BLVRA: variants seen among roughly 807,000 people sequenced by gnomAD.
BLVRA encodes biliverdin reductase A, also known as BVR A.
A neutral mutation model predicts 32.8 loss-of-function variants in BLVRA; 22 were observed. That is an observed-to-expected ratio of 0.67 (90% CI 0.48 to 0.96). The LOEUF is 0.96. Ranked by LOEUF, BLVRA falls within the 40% of genes least tolerant of loss-of-function variation. BLVRA has a pLI of 0.00. For missense variants in BLVRA, 323 were observed against 358.1 expected (o/e 0.90, Z 0.79); for synonymous variants, 119 against 141.3 (o/e 0.84, Z 1.12).
At chr7:43,782,670 G>GA (rs1378357172) in intron 2 of BLVRA, among the ~76,000 whole-genome samples, 2 of 152,012 alleles carry the variant, frequency 1.3e-5, no homozygotes, top group African/African-American at 4.8e-5. Context: ...GGGAGAGAGA[G>GA]AAAAATAGAG....
chr7:43,770,546 C>T (rs1209136819), intron 1 of BLVRA, among the ~76,000 whole-genome samples: 2 of 152,024 alleles, frequency 1.3e-5, no homozygotes, highest in Non-Finnish European at 2.9e-5. Flanking sequence ...CCTGTTAAGC[C>T]GTGTTGTTGC....
intron 1 of BLVRA, among the ~76,000 whole-genome samples, chr7:43,763,107 G>A (rs1422394189): frequency 2.6e-5 from 4 of 152,184 alleles, no homozygotes; most frequent in African/African-American, 9.7e-5. Flanking sequence ...TTATAGAAGA[G>A]TGGGCAGGAT....
At chr7:43,796,215 C>A (rs1311677709) in intron 5 of BLVRA, among the ~76,000 whole-genome samples, 1 of 151,568 alleles carries the variant, frequency 6.6e-6, no homozygotes, top group African/African-American at 2.4e-5. Flanking sequence ...ACAACAAATG[C>A]TGCTGAAATA....
chr7:43,781,239 G>C (rs916390658), intron 2 of BLVRA, among the ~76,000 whole-genome samples: 1 of 152,052 alleles, frequency 6.6e-6, no homozygotes, highest in Non-Finnish European at 1.5e-5. Flanking sequence ...ATCACCCCAG[G>C]ATGTCAGGAT....
intron 3 of BLVRA, among the ~76,000 whole-genome samples, chr7:43,788,554 T>C (rs2095781209): frequency 6.6e-6 from 1 of 152,176 alleles, no homozygotes; most frequent in African/African-American, 2.4e-5. Flanking sequence ...CCAAAGCCCA[T>C]CTTTTAAACA....
intron 5 of BLVRA, among the ~76,000 whole-genome samples, chr7:43,797,481 C>T (rs2095794097): frequency 6.6e-6 from 1 of 152,202 alleles, no homozygotes; most frequent in Non-Finnish European, 1.5e-5. Flanking sequence ...ATAAACATAA[C>T]TTGTGTATGA....
intron 5 of BLVRA, among the ~76,000 whole-genome samples, chr7:43,799,938 C>A (rs560813961): frequency 6.6e-6 from 1 of 152,014 alleles, no homozygotes; most frequent in African/African-American, 2.4e-5. Flanking sequence ...CTCAGGTTTT[C>A]GTTTCATTCA....
chr7:43,787,802 T>C lies in BLVRA; in HGVS notation c.13-102T>C. ...GGCTTCCTGTGTGTTTTGGGCTGGC[T>C]TCCATCTTGCTCGTCGGGACCCTGC... is the stretch of plus-strand genomic sequence containing the variant. On this transcript the variant is annotated intron_variant, in intron 2 of 7. Coordinates refer to ENST00000265523, the MANE Select transcript of BLVRA (RefSeq NM_000712.4). The surrounding 1 kb of genome is among the most constrained non-coding windows in gnomAD (Gnocchi z 4.5). 2 of 1,584,692 alleles carry C rather than the reference T, an allele frequency of 1.3e-6. No individual in the cohort carries two copies. Among genetic ancestry groups the C allele is most frequent in the Non-Finnish European group, 1.7e-6 (2 of 1,154,258 alleles).
intron 5 of BLVRA, among the ~76,000 whole-genome samples, chr7:43,799,332 G>A (rs1394962978): frequency 2.6e-5 from 4 of 152,128 alleles, no homozygotes; most frequent in Non-Finnish European, 4.4e-5. Flanking sequence ...CAGTGAAACT[G>A]TAGATCATAA....
At chr7:43,767,012 CAAAT>C (rs1210467768) in intron 1 of BLVRA, among the ~76,000 whole-genome samples, 1 of 152,066 alleles carries the variant, frequency 6.6e-6, no homozygotes, top group Admixed American at 6.5e-5. Flanking sequence ...GAAAAATAAA[CAAAT>C]AAACAGCAAT....
intron 1 of BLVRA, among the ~76,000 whole-genome samples, chr7:43,768,569 G>C (rs530848410): frequency 1.3e-5 from 2 of 152,194 alleles, no homozygotes; most frequent in East Asian, 3.9e-4. Flanking sequence ...TGAGGATTAG[G>C]GTTAATGTGT....
At chr7:43,777,485 G>A (rs1167001988) in intron 2 of BLVRA, among the ~76,000 whole-genome samples, 16 of 152,220 alleles carry the variant, frequency 1.1e-4, no homozygotes, top group African/African-American at 3.9e-4. Context: ...CTCTCTTCTG[G>A]CTTGTAGAGT....
intron 6 of BLVRA, among the ~76,000 whole-genome samples, chr7:43,802,429 G>A (rs112059745): frequency 2.0e-5 from 3 of 152,182 alleles, no homozygotes; most frequent in African/African-American, 7.2e-5. Context: ...TTAAGATTTT[G>A]GCTGGAGGCA....
intron 5 of BLVRA, among the ~76,000 whole-genome samples, chr7:43,799,458 G>C (rs942782542): frequency 6.6e-6 from 1 of 152,058 alleles, no homozygotes; most frequent in Non-Finnish European, 1.5e-5. Context: ...ATTGTTAACA[G>C]CTTTCTTTTA....
intron 6 of BLVRA, among the ~76,000 whole-genome samples, chr7:43,801,277 T>G (rs1277527080): frequency 6.6e-6 from 1 of 152,224 alleles, no homozygotes; most frequent in Non-Finnish European, 1.5e-5. Context: ...ATTACAGGCA[T>G]GAGCCACCGT....
At chr7:43,774,847 T>A (rs1046945601) in intron 2 of BLVRA, among the ~76,000 whole-genome samples, 16 of 152,230 alleles carry the variant, frequency 1.1e-4, no homozygotes, top group African/African-American at 3.6e-4. Context: ...TTTGAAGAGG[T>A]CCTTCACGTC....
At chr7:43,771,812 G>A (rs2095754982) in intron 2 of BLVRA, among the ~76,000 whole-genome samples, 1 of 152,302 alleles carries the variant, frequency 6.6e-6, no homozygotes, top group South Asian at 2.1e-4. Context: ...CTGGTGCTCA[G>A]CACCACCCGC....
intron 2 of BLVRA, among the ~76,000 whole-genome samples, chr7:43,777,637 C>T (rs1436714255): frequency 1.3e-5 from 2 of 152,100 alleles, no homozygotes; most frequent in Admixed American, 6.6e-5. Context: ...TTGCTTTTCT[C>T]GAGGAGTATC....
At chr7:43,805,307 A>T (rs1208118537) in intron 7 of BLVRA, among the ~76,000 whole-genome samples, 6 of 150,398 alleles carry the variant, frequency 4.0e-5, no homozygotes, top group African/African-American at 1.5e-4. Flanking sequence ...TTATGAGACA[A>T]AGTCTTGCTC....
Sources: gnomAD v4.1 joint callset for allele counts (sites outside exome capture counted in the v4.1 genomes callset) on GRCh38, gnomAD v4.1.1 for gene constraint, Gnocchi (gnomAD v3.1) non-coding constraint, MANE v1.5 for transcripts, NCBI Gene and HGNC (gene_info 2026-07-23, HGNC 2026-07-21) for gene names.